The following ZNF131 variants were observed in gnomAD, a reference collection of about 807,000 sequenced individuals.
ZNF131 encodes zinc finger protein 131.
Under a neutral mutation model 60.0 loss-of-function variants are expected in ZNF131, and 7 were observed. The ratio of observed to expected loss-of-function variants is 0.12; its 90% CI spans 0.07 to 0.22. ZNF131 has a LOEUF of 0.22. ZNF131 is among the 10% of genes least tolerant of loss of function. The probability of loss-of-function intolerance (pLI) is 1.00; values close to 1 mark genes in which losing one functional copy is unlikely to be tolerated. For missense variants in ZNF131, 493 were observed against 740.9 expected, an observed-to-expected ratio of 0.67 and a Z score of 3.88; for synonymous variants, 257 against 253.2, an observed-to-expected ratio of 1.01 and a Z score of -0.14.
intron 4 of ZNF131, among the ~76,000 whole-genome samples, chr5:43,150,842 T>C (rs1023982554): frequency 6.6e-6 from 1 of 152,322 alleles, no homozygotes; most frequent in Admixed American, 6.5e-5. Context: ...ACTGGATTTA[T>C]TTAAGGATTT....
intron 4 of ZNF131, among the ~76,000 whole-genome samples, chr5:43,156,759 A>G (rs1414925631): frequency 6.6e-6 from 1 of 152,178 alleles, no homozygotes; most frequent in Non-Finnish European, 1.5e-5. Context: ...CACCTTGGCC[A>G]GGCGCAGTGG....
At chr5:43,172,880 T>A (rs76089030) in intron 5 of ZNF131, among the ~76,000 whole-genome samples, 1,914 of 152,278 alleles carry the variant, frequency 0.013, 22 homozygotes, top group Admixed American at 0.022. Flanking sequence ...TACCTTGGCC[T>A]TTGATAGGAA....
chr5:43,162,280 C>A (rs1749772112), intron 5 of ZNF131, among the ~76,000 whole-genome samples: 1 of 152,152 alleles, frequency 6.6e-6, no homozygotes. Context: ...TGTCGTGTTA[C>A]TTACAGTACA....
intron 5 of ZNF131, among the ~76,000 whole-genome samples, chr5:43,162,969 C>CTTTTTTTTTTT (rs1205635519): frequency 0.023 from 1,510 of 64,798 alleles, 110 homozygotes; most frequent in African/African-American, 0.032. Flanking sequence ...TTTTATTTGC[C>CTTTTTTTTTTT]TTTTTTTTTT....
intron 4 of ZNF131, chr5:43,143,432 G>A: frequency 4.2e-6 from 6 of 1,432,246 alleles, no homozygotes; most frequent in Admixed American, 2.3e-5. Flanking sequence ...CTTCTCCACT[G>A]TTGCAAGTTT....
At chr5:43,174,420 T>A in intron 6 of ZNF131, 27 bp from the exon 7 acceptor site, 1 of 1,505,578 alleles carries the variant, frequency 6.6e-7, no homozygotes, top group Non-Finnish European at 8.9e-7. Context: ...ATAAGTATTG[T>A]CTACATCATA....
intron 1 of ZNF131, chr5:43,121,720 C>G (rs1163194750): frequency 1.2e-5 from 2 of 170,310 alleles, no homozygotes; most frequent in Non-Finnish European, 2.5e-5. Context: ...GTTAGAGGAC[C>G]GCCACGGCTG....
chr5:43,145,695 A>G (rs891908798), intron 4 of ZNF131, among the ~76,000 whole-genome samples: 4 of 152,172 alleles, frequency 2.6e-5, no homozygotes, highest in Non-Finnish European at 5.9e-5. Context: ...ATTTACCTCA[A>G]CACTTGTACT....
chr5:43,169,100 A>T (rs1208379389), intron 5 of ZNF131, among the ~76,000 whole-genome samples: 1 of 152,190 alleles, frequency 6.6e-6, no homozygotes, highest in African/African-American at 2.4e-5. Context: ...TCATAGAGGG[A>T]ATGTGTGTCC....
chr5:43,167,770 GT>G (rs1750541014), intron 5 of ZNF131, among the ~76,000 whole-genome samples: 1 of 152,236 alleles, frequency 6.6e-6, no homozygotes, highest in Admixed American at 6.5e-5. Flanking sequence ...TGTGTAACAT[GT>G]TAAGTGCTGA....
At chr5:43,164,451 A>T (rs1321249401) in intron 5 of ZNF131, among the ~76,000 whole-genome samples, 3 of 152,248 alleles carry the variant, frequency 2.0e-5, no homozygotes, top group Admixed American at 2.0e-4. Context: ...TGGGTTAATT[A>T]TGCAAAATGA....
At chr5:43,123,924 G>T (rs569755318) in intron 3 of ZNF131, 1 of 152,120 alleles carries the variant, frequency 6.6e-6, no homozygotes, top group African/African-American at 2.4e-5. Context: ...CAAGTGCCAG[G>T]CGTTGTGATA....
At position 43,174,749 on chromosome 5, in the gene ZNF131, A is replaced by G. The variant is rs1428559025; in HGVS notation, c.1488A>G (p.Glu496=). Residue 496 remains glutamate, a synonymous_variant, in exon 7 of 7, where the codon GAA becomes GAG. Transcript: ENST00000682664. ...VQVDSAQVTV[E]QVHPDLLQDS... Reference sequence around the variant, plus strand: ...TGGATTCAGCACAAGTGACTGTGGAACAAGTCCATCCAGATCTGCTCCAGG... The same window carrying G: ...TGGATTCAGCACAAGTGACTGTGGAGCAAGTCCATCCAGATCTGCTCCAGG... The G allele has an allele frequency of 6.2e-7, 1 of 1,614,112 alleles. No homozygotes were observed. The highest frequency in any genetic ancestry group is 1.3e-5 in the African/African-American group (1 of 74,948).
intron 4 of ZNF131, among the ~76,000 whole-genome samples, chr5:43,142,916 G>A (rs1207315769): frequency 6.6e-6 from 1 of 151,682 alleles, no homozygotes; most frequent in Non-Finnish European, 1.5e-5. Flanking sequence ...TACTAGTCTC[G>A]AACTCCTGGG....
chr5:43,123,114 A>G (rs188317573), intron 2 of ZNF131, 95 bp from the exon 3 acceptor site: 12 of 891,178 alleles, frequency 1.3e-5, no homozygotes, highest in Non-Finnish European at 1.7e-5. Context: ...AGGAAGACCT[A>G]TTTTGCTTTA....
chr5:43,136,650 CT>C (rs139991070), intron 3 of ZNF131, among the ~76,000 whole-genome samples: 10,205 of 122,404 alleles, frequency 0.083, 524 homozygotes, highest in Non-Finnish European at 0.12. Context: ...TTTTCTTTTT[CT>C]TTTTTTTTTT....
intron 1 of ZNF131, chr5:43,121,394 G>A (rs1479044707): frequency 6.6e-6 from 1 of 152,630 alleles, no homozygotes; most frequent in Admixed American, 6.5e-5. Context: ...CCCTTCGTGA[G>A]CGCCAAATCC....
At chr5:43,152,119 C>G (rs1467436482) in intron 4 of ZNF131, among the ~76,000 whole-genome samples, 2 of 152,256 alleles carry the variant, frequency 1.3e-5, no homozygotes, top group East Asian at 3.9e-4. Flanking sequence ...TCTCCTGCCT[C>G]AGATTCCCCG....
intron 3 of ZNF131, among the ~76,000 whole-genome samples, chr5:43,125,252 C>T (rs370272350): frequency 1.3e-5 from 2 of 151,886 alleles, no homozygotes; most frequent in Admixed American, 6.6e-5. Flanking sequence ...GTGGTTTGGT[C>T]TTCCTTAGGA....
Sources: allele counts gnomAD v4.1 joint callset (sites outside exome capture counted in the v4.1 genomes callset), GRCh38; gene constraint gnomAD v4.1.1; transcripts MANE v1.5; gene names NCBI Gene and HGNC (gene_info 2026-07-23, HGNC 2026-07-21).